CHODL: variants seen among roughly 807,000 people sequenced by gnomAD.
The protein encoded by CHODL is transmembrane protein MT75.
CHODL carries 29 observed loss-of-function variants against 34.5 expected under a neutral mutation model. The observed-to-expected ratio is 0.84, with a 90% CI of 0.63 to 1.15. CHODL has a LOEUF of 1.15. Among genes scored for constraint, CHODL ranks in the 50% most tolerant of loss-of-function variants. The pLI is 0.00. For missense variants in CHODL, 332 were observed against 332.5 expected (o/e 1.00, Z 0.01); for synonymous variants, 125 against 116.1 (o/e 1.08, Z -0.49).
At position 18,177,914 on chromosome 21, in the gene CHODL, T is replaced by C. The variant is rs78000935; in HGVS notation, c.-44-78595T>C. On this transcript the variant is annotated intron_variant, in intron 2 of 6. Transcript: ENST00000400127. ...TAGAATAAACAAATTTGTTAATCTT[T>C]GAGAAAGCTATTTACTTGGTCCAAA... is the stretch of plus-strand genomic sequence containing the variant. Among the ~76,000 whole-genome samples, 461 of 152,276 alleles carry C rather than the reference T, an allele frequency of 3.0e-3. 1 individual carries two copies. The highest frequency in any genetic ancestry group is 0.011 in the African/African-American group (439 of 41,564).
chr21:18,256,955 ACT>A lies in CHODL; in HGVS notation c.390-10_390-9del. On this transcript the variant is annotated splice_polypyrimidine_tract_variant and intron_variant, in intron 2 of 5. Transcript: ENST00000299295. The stretch of plus-strand genomic sequence containing the variant: ...AGGCATGTATCTGAGTGTTCCTATT[ACT>A]CTCTGTTTGCAGAAACTGGTACACA... 4.4e-6 allele frequency: 7 copies of A among 1,608,976 alleles called. No homozygotes were observed. Among genetic ancestry groups the A allele is most frequent in the Non-Finnish European group, 5.9e-6 (7 of 1,177,646 alleles).
Position 18,262,785 on chromosome 21 carries a change from T to TCCCAA in CHODL, c.635-6_635-5insCCCAA, listed in dbSNP as rs2074398008. 7 of 1,442,268 alleles carry TCCCAA rather than the reference T, an allele frequency of 4.9e-6. No individual in the cohort carries two copies. Among genetic ancestry groups the TCCCAA allele is most frequent in the Non-Finnish European group, 6.8e-6 (7 of 1,026,510 alleles). The allele number at this position is 1,442,268 out of a possible 1,614,324, so 89.3% of individuals were successfully genotyped here. A position where few individuals can be genotyped will look rare whatever the true frequency, so the allele number is the denominator to read the frequency against. On this transcript the variant is annotated splice_region_variant and splice_polypyrimidine_tract_variant and intron_variant, in intron 4 of 5. Coordinates refer to ENST00000299295, the MANE Select transcript of CHODL (RefSeq NM_024944.3). ...CTTTTCACATGAAGACTGTTTTATT[T>TCCCAA]TGTAGGTATAATTCCCAATCTAATT...
intron 2 of CHODL, among the ~76,000 whole-genome samples, chr21:18,167,211 CTGTGTGTGTGTGTGTGTGTG>C (rs71329776): frequency 1.1e-5 from 1 of 88,136 alleles, no homozygotes; most frequent in East Asian, 3.0e-4. Flanking sequence ...TTCTCTCTCT[CTGTGTGTGTGTGTGTGTGTG>C]TGTGTGTGTG....
At chr21:17,975,601 A>G (rs1293526078) in intron 1 of CHODL, among the ~76,000 whole-genome samples, 2 of 151,558 alleles carry the variant, frequency 1.3e-5, no homozygotes, top group Non-Finnish European at 2.9e-5. Context: ...CCTCAAACCC[A>G]CTCTTTTTCT....
At chr21:18,249,257 G>A (rs1303720835) in intron 1 of CHODL, among the ~76,000 whole-genome samples, 3 of 149,594 alleles carry the variant, frequency 2.0e-5, no homozygotes, top group Admixed American at 6.8e-5. Flanking sequence ...GGATGTGTGC[G>A]ACTCTAGGAT....
chr21:17,938,261 A>C (rs187046431), intron 1 of CHODL, among the ~76,000 whole-genome samples: 1 of 152,134 alleles, frequency 6.6e-6, no homozygotes, highest in African/African-American at 2.4e-5. Context: ...GAACGCTTAA[A>C]TGTTAATGAT....
chr21:18,210,868 T>A (rs918877820), intron 2 of CHODL, among the ~76,000 whole-genome samples: 1 of 152,190 alleles, frequency 6.6e-6, no homozygotes, highest in Non-Finnish European at 1.5e-5. Flanking sequence ...TTCTCCAAAG[T>A]TGTTCCATCA....
intron 2 of CHODL, among the ~76,000 whole-genome samples, chr21:18,070,557 G>A (rs781151689): frequency 8.5e-5 from 13 of 152,262 alleles, no homozygotes; most frequent in Admixed American, 2.0e-4. Context: ...TCAGCAGGAA[G>A]GCATTATTTT....
chr21:17,965,665 G>A (rs1462626297), intron 1 of CHODL, among the ~76,000 whole-genome samples: 1 of 152,056 alleles, frequency 6.6e-6, no homozygotes, highest in Non-Finnish European at 1.5e-5. Flanking sequence ...CTGCTAGATT[G>A]TGAGTTTCTT....
intron 2 of CHODL, among the ~76,000 whole-genome samples, chr21:18,198,283 T>C (rs1358587369): frequency 6.6e-6 from 1 of 152,204 alleles, no homozygotes; most frequent in Non-Finnish European, 1.5e-5. Context: ...AGCAAGATTA[T>C]ACTCTTTGTT....
intron 1 of CHODL, among the ~76,000 whole-genome samples, chr21:17,928,318 A>G (rs1030927927): frequency 6.6e-6 from 1 of 152,222 alleles, no homozygotes; most frequent in Non-Finnish European, 1.5e-5. Flanking sequence ...GGTACAGTAT[A>G]GATCATTAAT....
At chr21:18,094,493 T>G (rs2065113915) in intron 2 of CHODL, among the ~76,000 whole-genome samples, 1 of 151,950 alleles carries the variant, frequency 6.6e-6, no homozygotes, top group Non-Finnish European at 1.5e-5. Flanking sequence ...CATTCAAAAA[T>G]TGAAATAAGC....
chr21:18,055,950 A>G (rs9984185), intron 2 of CHODL, among the ~76,000 whole-genome samples: 15,751 of 151,972 alleles, frequency 0.1, 1,665 homozygotes, highest in African/African-American at 0.27. Context: ...TTTTGTCATA[A>G]TGTTTCAATT....
chr21:18,050,401 C>G (rs1226687301), intron 2 of CHODL, among the ~76,000 whole-genome samples: 2 of 151,962 alleles, frequency 1.3e-5, no homozygotes, highest in Non-Finnish European at 2.9e-5. Flanking sequence ...TGTTTGACAA[C>G]TCTTACTCTT....
At chr21:18,042,648 T>C (rs904898074) in intron 2 of CHODL, among the ~76,000 whole-genome samples, 4 of 151,962 alleles carry the variant, frequency 2.6e-5, no homozygotes, top group African/African-American at 9.7e-5. Context: ...AAGTTAACCA[T>C]TTTGTTCAAA....
chr21:18,265,835 T>TCTTC (rs370280449), intron 5 of CHODL, 119 bp from the exon 6 acceptor site: 26,999 of 708,108 alleles, frequency 0.038, 947 homozygotes, highest in East Asian at 0.15. Context: ...TGGGAAAATA[T>TCTTC]ACTGCTGAGA....
chr21:18,086,041 C>CTT lies in CHODL; in HGVS notation c.-45+58095_-45+58096dup, dbSNP rs3984977. Among the ~76,000 whole-genome samples, 28 of 38,748 alleles carry CTT rather than the reference C, an allele frequency of 7.2e-4. 3 individuals are homozygous for CTT. The highest frequency in any genetic ancestry group is 1.0e-3 in the Non-Finnish European group (21 of 20,220). 25.4% of individuals were successfully genotyped at this position (38,748 alleles called of 152,430 possible). A position where few individuals can be genotyped will look rare whatever the true frequency, so the allele number is the denominator to read the frequency against. On this transcript the variant is annotated intron_variant, in intron 2 of 6. Transcript: ENST00000400127. ...TTCCAGATGTCTTGAAGACTTTGTTCTTTTTTTTTTTTTTTTTTTTTTTTT... is the reference window on the plus strand; with the variant it reads ...TTCCAGATGTCTTGAAGACTTTGTTCTTTTTTTTTTTTTTTTTTTTTTTTTTT...
chr21:18,216,125 G>GT (rs561810205), intron 2 of CHODL, among the ~76,000 whole-genome samples: 147 of 149,164 alleles, frequency 9.9e-4, no homozygotes, highest in Admixed American at 2.3e-3. Flanking sequence ...TTTCTTTCTT[G>GT]TTTTTTTATG....
chr21:18,150,912 C>T (rs1479198835), intron 2 of CHODL, among the ~76,000 whole-genome samples: 1 of 151,610 alleles, frequency 6.6e-6, no homozygotes, highest in Non-Finnish European at 1.5e-5. Context: ...GGTGAAACCC[C>T]GTCTCTACCA....
Sources: gnomAD v4.1 joint callset for allele counts (sites outside exome capture counted in the v4.1 genomes callset) on GRCh38, gnomAD v4.1.1 for gene constraint, MANE v1.5 for transcripts, NCBI Gene and HGNC (gene_info 2026-07-23, HGNC 2026-07-21) for gene names.